The following SPTB variants were observed in gnomAD, a reference collection of about 807,000 sequenced individuals.
The protein encoded by SPTB is spectrin beta, erythrocytic, also known as spectrin beta chain, erythrocytic.
SPTB carries 45 observed loss-of-function variants against 256.2 expected under a neutral mutation model. The ratio of observed to expected loss-of-function variants is 0.18; its 90% confidence interval spans 0.14 to 0.23. SPTB has a LOEUF of 0.23. Among genes scored for constraint, SPTB ranks in the 10% least tolerant of loss-of-function variants. SPTB has a pLI of 1.00. For synonymous variants in SPTB, 1,231 were observed against 1,243.1 expected (o/e 0.99, Z 0.21); for missense variants, 2,715 against 3,040.4 (o/e 0.89, Z 2.52).
intron 1 of SPTB, among the ~76,000 whole-genome samples, chr14:64,870,663 T>C (rs1882476760): frequency 6.6e-6 from 1 of 152,184 alleles, no homozygotes; most frequent in Admixed American, 6.5e-5. Flanking sequence ...GGATAATAAA[T>C]TTTTGCCCTT....
chr14:64,840,186 C>T (rs953358694), intron 1 of SPTB, among the ~76,000 whole-genome samples: 1 of 152,196 alleles, frequency 6.6e-6, no homozygotes, highest in Non-Finnish European at 1.5e-5. Context: ...CCATGATGTA[C>T]CCATTCAGAG....
At chr14:64,789,227 C>T (rs968744993) in intron 15 of SPTB, among the ~76,000 whole-genome samples, 3 of 152,124 alleles carry the variant, frequency 2.0e-5, no homozygotes, top group African/African-American at 4.8e-5. Flanking sequence ...TAGTGTGCAT[C>T]TGTAGCATTA....
Position 64,767,333 on chromosome 14 carries a change from T to C in SPTB, c.6239A>G (p.Gln2080Arg). ...KPTTLELKERQIAERPAEETG... is the reference protein window; with the variant it reads ...KPTTLELKERRIAERPAEETG... ...CTCCTCTGCGGGTCTCTCTGCAATC[T>C]GGCGTTCTTTCAGCTCAAGCTAGAG... The change falls in exon 31 of 36, where the codon CAG becomes CGG. Residue 2080 changes from glutamine to arginine, a missense_variant. Gln to Arg is a conservative substitution (Grantham distance 43, BLOSUM62 1). Coordinates refer to ENST00000644917, the MANE Select transcript of SPTB (RefSeq NM_001355436.2). 6.2e-7 allele frequency: 1 copy of C among 1,614,080 alleles called. No individual in the cohort carries two copies. The highest frequency in any genetic ancestry group is 1.1e-5 in the South Asian group (1 of 91,086).
chr14:64,750,764 G>A (rs1016352498), intron 33 of SPTB, among the ~76,000 whole-genome samples: 3 of 149,282 alleles, frequency 2.0e-5, no homozygotes, highest in East Asian at 3.9e-4. Context: ...TGACAGAGAC[G>A]AGACTTAGTC....
At chr14:64,843,181 T>C (rs2083635242) in intron 1 of SPTB, among the ~76,000 whole-genome samples, 1 of 152,162 alleles carries the variant, frequency 6.6e-6, no homozygotes, top group Non-Finnish European at 1.5e-5. Context: ...TCTGTGTAGA[T>C]TCTGTAAATC....
chr14:64,819,447 A>G (rs1421402133), intron 2 of SPTB, among the ~76,000 whole-genome samples: 1 of 152,218 alleles, frequency 6.6e-6, no homozygotes, highest in Non-Finnish European at 1.5e-5. Context: ...AAAGCATTTG[A>G]CAAGACCCAT....
chr14:64,833,326 G>A (rs1332705943), intron 1 of SPTB, among the ~76,000 whole-genome samples: 1 of 152,172 alleles, frequency 6.6e-6, no homozygotes, highest in East Asian at 1.9e-4. Flanking sequence ...CGAAGCGGGT[G>A]GATCACCTGA....
intron 1 of SPTB, among the ~76,000 whole-genome samples, chr14:64,870,325 AAGTC>A (rs1882455407): frequency 6.6e-6 from 1 of 152,292 alleles, no homozygotes; most frequent in East Asian, 1.9e-4. Flanking sequence ...GAAAAAAAAA[AAGTC>A]AGAGAAAGAG....
intron 33 of SPTB, 50 bp from the exon 34 acceptor site, chr14:64,750,204 T>C (rs760084781): frequency 9.1e-5 from 141 of 1,550,564 alleles, no homozygotes; most frequent in Non-Finnish European, 1.2e-4. Flanking sequence ...ATGGTATCTC[T>C]AGAGTCAATT....
chr14:64,784,704 A>G (rs571129058), intron 18 of SPTB, among the ~76,000 whole-genome samples: 1 of 152,336 alleles, frequency 6.6e-6, no homozygotes, highest in African/African-American at 2.4e-5. Flanking sequence ...TAGGAACCCA[A>G]CGAGTGTTTA....
intron 1 of SPTB, among the ~76,000 whole-genome samples, chr14:64,875,924 A>C (rs1156513909): frequency 2.0e-5 from 3 of 152,188 alleles, no homozygotes; most frequent in Non-Finnish European, 1.5e-5. Flanking sequence ...AAATTCTATA[A>C]TTTTAAAATT....
intron 2 of SPTB, among the ~76,000 whole-genome samples, chr14:64,809,689 C>G (rs1276037444): frequency 6.6e-6 from 1 of 152,136 alleles, no homozygotes; most frequent in African/African-American, 2.4e-5. Flanking sequence ...TAGATTTAAT[C>G]CTAGAGGCAA....
At chr14:64,791,684 C>A in intron 15 of SPTB, 35 bp downstream of exon 15, 1 of 1,598,042 alleles carries the variant, frequency 6.3e-7, no homozygotes, top group Non-Finnish European at 8.5e-7. Context: ...TGTTGAGAGA[C>A]AATGCCCCCG....
intron 1 of SPTB, among the ~76,000 whole-genome samples, chr14:64,835,642 C>G (rs1418303930): frequency 6.6e-6 from 1 of 152,164 alleles, no homozygotes; most frequent in African/African-American, 2.4e-5. Flanking sequence ...GCTCTGCTGA[C>G]AGGCAGCCAC....
chr14:64,843,448 A>C (rs998082917), intron 1 of SPTB, among the ~76,000 whole-genome samples: 19 of 152,160 alleles, frequency 1.2e-4, no homozygotes, highest in South Asian at 2.1e-4. Context: ...GGAAAAAAAA[A>C]CCCAAACCAA....
intron 1 of SPTB, among the ~76,000 whole-genome samples, chr14:64,877,190 A>G (rs1478562826): frequency 6.6e-6 from 1 of 152,160 alleles, no homozygotes; most frequent in Non-Finnish European, 1.5e-5. Flanking sequence ...CTCCTGCCAA[A>G]ATTATAGTTC....
At position 64,784,354 on chromosome 14, in the gene SPTB, C is replaced by T; in HGVS notation, c.3895G>A (p.Asp1299Asn). ...WINDKLLTSQ[D>N]VSYDEARNLH... Reference sequence around the variant, plus strand: ...TTTCGTGCTTCATCATAGGAGACATCCTGAGATGTCAGCAGCTTGTCGTTG... The same window carrying T: ...TTTCGTGCTTCATCATAGGAGACATTCTGAGATGTCAGCAGCTTGTCGTTG... The change falls in exon 19 of 36, where the codon GAT (aspartate) becomes AAT (asparagine). Residue 1299 changes from aspartate to asparagine, a missense_variant. Asp to Asn is a conservative substitution (Grantham distance 23). Transcript: ENST00000644917. 1 of 1,614,242 alleles carries T rather than the reference C, an allele frequency of 6.2e-7. No individual in the cohort carries two copies. The highest frequency in any genetic ancestry group is 8.5e-7 in the Non-Finnish European group (1 of 1,180,046).
intron 32 of SPTB, chr14:64,756,135 C>T (rs755461716): frequency 6.6e-6 from 1 of 152,214 alleles, no homozygotes; most frequent in Non-Finnish European, 1.5e-5. Context: ...AGGCAGAACT[C>T]TCTAGTTGCT....
At position 64,825,434 on chromosome 14, in the gene SPTB, C is replaced by G. The variant is rs1282657248; in HGVS notation, c.-51-2289G>C. Among the ~76,000 whole-genome samples, 3 of 151,986 alleles carry G rather than the reference C, an allele frequency of 2.0e-5. No homozygotes were observed. The highest frequency in any genetic ancestry group is 4.8e-5 in the African/African-American group (2 of 41,366). On this transcript the variant is annotated intron_variant, in intron 1 of 35. Coordinates refer to ENST00000644917, the MANE Select transcript of SPTB (RefSeq NM_001355436.2). This position sits in a 1 kb window ranked among gnomAD's most constrained non-coding sequence, Gnocchi z 4.8. ...ACCCAACTGGCTGGGCAACGATAGC[C>G]GGGAAAGATACCCCCCACCCCCGGC...
Sources: gnomAD v4.1 joint callset for allele counts (sites outside exome capture counted in the v4.1 genomes callset) on GRCh38, gnomAD v4.1.1 for gene constraint, Gnocchi (gnomAD v3.1) non-coding constraint, MANE v1.5 for transcripts, NCBI Gene and HGNC (gene_info 2026-07-23, HGNC 2026-07-21) for gene names.